ANKS3: variants seen among roughly 807,000 people sequenced by gnomAD.
ANKS3 encodes ankyrin repeat and sterile alpha motif domain containing 3, also known as ankyrin repeat and SAM domain-containing protein 3.
Under a neutral mutation model 80.7 loss-of-function variants are expected in ANKS3, and 62 were observed. The ratio of observed to expected loss-of-function variants is 0.77; its 90% CI spans 0.63 to 0.95. The LOEUF (loss-of-function observed/expected upper bound fraction) is 0.95. Ranked by LOEUF, ANKS3 falls within the 40% of genes least tolerant of loss-of-function variation. ANKS3 has a pLI of 0.00. For synonymous variants in ANKS3, 489 were observed against 355.3 expected (o/e 1.38, Z -4.23); for missense variants, 1,150 against 883.6 (o/e 1.30, Z -3.82).
chr16:4,716,645 C>CA (rs2080814152), intron 6 of ANKS3, among the ~76,000 whole-genome samples: 1 of 152,146 alleles, frequency 6.6e-6, no homozygotes, highest in South Asian at 2.1e-4. Context: ...AGGCCGGGCA[C>CA]AGTGGCTCAC....
chr16:4,700,823 G>A, intron 11 of ANKS3, 147 bp downstream of exon 11: 1 of 1,067,220 alleles, frequency 9.4e-7, no homozygotes, highest in Non-Finnish European at 1.4e-6. Context: ...CCGGCTGTGA[G>A]CCTGTGGAGC....
intron 7 of ANKS3, among the ~76,000 whole-genome samples, chr16:4,711,415 A>G (rs2080477316): frequency 6.6e-6 from 1 of 151,616 alleles, no homozygotes; most frequent in Non-Finnish European, 1.5e-5. Flanking sequence ...GAAACAGAAT[A>G]TTTTAAAAGG....
intron 6 of ANKS3, among the ~76,000 whole-genome samples, chr16:4,715,803 CTTTT>C (rs529857369): frequency 1.4e-5 from 2 of 140,012 alleles, no homozygotes; most frequent in African/African-American, 2.6e-5. Flanking sequence ...AGCATGTTTG[CTTTT>C]TTTTTTTTAA....
chr16:4,697,046 C>A lies in ANKS3; in HGVS notation c.1953G>T (p.Lys651Asn). Residue 651 changes from lysine (K) to asparagine (N), a missense_variant, in exon 17 of 18, where the codon AAG becomes AAT. Transcript: ENST00000304283. ...SLEKLQVLNGKKWRET is the reference protein window; with the variant it reads ...SLEKLQVLNGNKWRET ...CCGCAGGCTAGGTCTCCCGCCACTT[C>A]TTCCCGTTCAGCACCTGCAGCTTCT... is the stretch of plus-strand genomic sequence containing the variant. 1 of 1,613,896 alleles carries A rather than the reference C, an allele frequency of 6.2e-7. No homozygotes were observed. Among genetic ancestry groups the A allele is most frequent in the Non-Finnish European group, 8.5e-7 (1 of 1,179,982 alleles).
intron 7 of ANKS3, among the ~76,000 whole-genome samples, chr16:4,709,482 G>C (rs2080373722): frequency 1.3e-5 from 2 of 152,032 alleles, no homozygotes; most frequent in South Asian, 4.1e-4. Flanking sequence ...CCAAAAGAAA[G>C]GAAATCAGTA....
intron 7 of ANKS3, among the ~76,000 whole-genome samples, chr16:4,707,737 AAGAT>A (rs2080273531): frequency 6.6e-6 from 1 of 152,262 alleles, no homozygotes; most frequent in Admixed American, 6.5e-5. Flanking sequence ...AATCCTAAAT[AAGAT>A]AGACTCACAG....
intron 6 of ANKS3, among the ~76,000 whole-genome samples, chr16:4,718,404 C>T (rs1408075385): frequency 6.6e-6 from 1 of 152,210 alleles, no homozygotes; most frequent in Non-Finnish European, 1.5e-5. Flanking sequence ...AAGAGAGAGG[C>T]CCAGACAGAT....
At chr16:4,722,782 C>G (rs538247256) in intron 6 of ANKS3, among the ~76,000 whole-genome samples, 3 of 145,270 alleles carry the variant, frequency 2.1e-5, no homozygotes. Flanking sequence ...GCCAGGTGTG[C>G]GGGCGGGTGC....
intron 8 of ANKS3, among the ~76,000 whole-genome samples, chr16:4,704,694 C>T (rs145005629): frequency 6.6e-6 from 1 of 152,300 alleles, no homozygotes; most frequent in Non-Finnish European, 1.5e-5. Flanking sequence ...TGGCCTCCTG[C>T]CCCCAGCAGC....
intron 6 of ANKS3, among the ~76,000 whole-genome samples, chr16:4,717,199 G>A (rs1385823931): frequency 3.9e-5 from 6 of 151,904 alleles, no homozygotes; most frequent in Admixed American, 2.6e-4. Context: ...CCAAGATCAC[G>A]CCACTGCACA....
Position 4,698,871 on chromosome 16 carries a change from C to A in ANKS3, c.1480G>T (p.Asp494Tyr), listed in dbSNP as rs201041262. Residue 494 changes from aspartate (D) to tyrosine (Y), a missense_variant, in exon 13 of 18, where the codon GAT (aspartate) becomes TAT (tyrosine). Asp to Tyr is a radical substitution (Grantham distance 160, BLOSUM62 -3). Coordinates refer to ENST00000304283, the MANE Select transcript of ANKS3 (RefSeq NM_133450.4). ...RWHSSARPPG[D>Y]ALELAYADRL... ...TCGGCGTAGGCCAGCTCCAGGGCATCCCCGGGTGGGCGGGCACTGCTGTGC... is the reference window on the plus strand; with the variant it reads ...TCGGCGTAGGCCAGCTCCAGGGCATACCCGGGTGGGCGGGCACTGCTGTGC... The A allele has an allele frequency of 1.9e-6, 3 of 1,601,970 alleles. No homozygotes were observed. The highest frequency in any genetic ancestry group is 3.4e-5 in the Admixed American group (2 of 59,192).
In ANKS3 at chr16:4,701,544, C is replaced by T. The variant is rs936600575; in HGVS notation, c.1010-1G>A. 6.2e-7 allele frequency: 1 copy of T among 1,607,516 alleles called. No homozygotes were observed. The highest frequency in any genetic ancestry group is 1.3e-5 in the African/African-American group (1 of 74,828). On this transcript the variant is annotated splice_acceptor_variant, in intron 9 of 17. Coordinates refer to ENST00000304283, the MANE Select transcript of ANKS3 (RefSeq NM_133450.4). LOFTEE classifies it high-confidence loss of function. ...AGGTTGGCACAGAAAGCATGTTCCTCTGAGGGCGGGAAGACAGGGCGTCCG... is the reference window on the plus strand; with the variant it reads ...AGGTTGGCACAGAAAGCATGTTCCTTTGAGGGCGGGAAGACAGGGCGTCCG...
At chr16:4,705,380 G>C in intron 7 of ANKS3, 127 bp from the exon 8 acceptor site, 1 of 1,174,306 alleles carries the variant, frequency 8.5e-7, no homozygotes, top group Non-Finnish European at 1.2e-6. Context: ...TATCTGCCAG[G>C]GCATCACTTC....
chr16:4,719,897 C>T (rs918419780), intron 6 of ANKS3, among the ~76,000 whole-genome samples: 1 of 152,098 alleles, frequency 6.6e-6, no homozygotes, highest in Non-Finnish European at 1.5e-5. Context: ...GGCACAGTGG[C>T]TCACGCCTGT....
At chr16:4,700,630 G>A (rs944779263) in intron 11 of ANKS3, 4 of 410,838 alleles carry the variant, frequency 9.7e-6, no homozygotes, top group Middle Eastern at 4.3e-4. Context: ...CACACTGTGT[G>A]TAGTTCCTGT....
intron 7 of ANKS3, among the ~76,000 whole-genome samples, chr16:4,705,926 C>CG (rs1555468243): frequency 6.7e-6 from 1 of 149,364 alleles, no homozygotes; most frequent in Non-Finnish European, 1.5e-5. Flanking sequence ...TTGGAAACAA[C>CG]TTTTTTTTTT....
rs564454185 is a variant in ANKS3 at position 4,699,713 on chromosome 16, G to C, written c.1285-537C>G. The C allele has an allele frequency of 3.2e-5, 5 of 158,300 alleles. No homozygotes were observed. The South Asian group carries it at 9.1e-4, about 29-fold the overall frequency. 9.8% of individuals were successfully genotyped at this position (158,300 alleles called of 1,614,324 possible). On this transcript the variant is annotated intron_variant, in intron 11 of 17. Coordinates refer to ENST00000304283, the MANE Select transcript of ANKS3 (RefSeq NM_133450.4). The stretch of plus-strand genomic sequence containing the variant: ...TATGGGGTGGTGTCGGTGTGCTTGA[G>C]GGGATCACAGATTTCTGTTAATTTT...
Position 4,702,092 on chromosome 16 carries a change from G to T in ANKS3, c.1009+10C>A. ...TGAGCCACGGGCCGGATGGGTGGGG[G>T]TGCACGTACCCCGACTGCTGCTGCT... On this transcript the variant is annotated intron_variant, in intron 9 of 17. Transcript: ENST00000304283. 1 of 1,573,702 alleles carries T rather than the reference G, an allele frequency of 6.4e-7. No homozygotes were observed. Among genetic ancestry groups the T allele is most frequent in the South Asian group, 1.1e-5 (1 of 87,948 alleles).
intron 12 of ANKS3, 40 bp from the exon 13 acceptor site, chr16:4,698,981 A>C: frequency 6.2e-7 from 1 of 1,613,442 alleles, no homozygotes; most frequent in Non-Finnish European, 8.5e-7. Flanking sequence ...TCAGCGTCCC[A>C]AGAGCGCTTA....
Sources: allele counts gnomAD v4.1 joint callset (sites outside exome capture counted in the v4.1 genomes callset), GRCh38; gene constraint gnomAD v4.1.1; transcripts MANE v1.5; gene names NCBI Gene and HGNC (gene_info 2026-07-23, HGNC 2026-07-21).